The following EYA2 variants were observed in gnomAD, a reference collection of about 807,000 sequenced individuals.
EYA2 encodes protein phosphatase EYA2.
In EYA2, 31 loss-of-function variants were observed where a neutral mutation model predicts 69.2. That is an observed-to-expected ratio of 0.45 (90% CI 0.34 to 0.60). EYA2 has a LOEUF of 0.60. EYA2 is among the 20% of genes least tolerant of loss of function. The probability of loss-of-function intolerance (pLI) is 0.02; values close to 1 mark genes in which losing one functional copy is unlikely to be tolerated. For synonymous variants in EYA2, 257 were observed against 279.4 expected (o/e 0.92, Z 0.80); for missense variants, 622 against 701.2 (o/e 0.89, Z 1.28).
chr20:47,157,867 C>A (rs1473853426), intron 10 of EYA2, among the ~76,000 whole-genome samples: 3 of 152,002 alleles, frequency 2.0e-5, no homozygotes, highest in Non-Finnish European at 4.4e-5. Flanking sequence ...AAGGATAAAT[C>A]TCATCCAGCA....
At chr20:47,038,559 T>A (rs1984847240) in intron 5 of EYA2, among the ~76,000 whole-genome samples, 1 of 152,184 alleles carries the variant, frequency 6.6e-6, no homozygotes, top group Non-Finnish European at 1.5e-5. Flanking sequence ...CAGGTCCACA[T>A]AGGGCAGAGG....
At chr20:47,112,480 T>A (rs891537938) in intron 9 of EYA2, among the ~76,000 whole-genome samples, 4 of 152,228 alleles carry the variant, frequency 2.6e-5, no homozygotes, top group Non-Finnish European at 5.9e-5. Flanking sequence ...TTAACTTGAT[T>A]ATATTATGCA....
rs867561059 is a variant in EYA2, at chr20:47,146,337, G to A, written c.978+3189G>A. ...CCTTGTGGATCTTGGTTGAACCTGC[G>A]ACTCAAAGCCAGGTATTTTGTGGGA... On this transcript the variant is annotated intron_variant, in intron 10 of 15. Transcript: ENST00000327619. 1.4e-4 allele frequency among the ~76,000 whole-genome samples: 22 copies of A among 152,040 alleles called. No homozygotes were observed. The South Asian group carries it at 1.5e-3, about 10-fold the overall frequency.
rs543848021 is a variant in EYA2, at chr20:47,114,426, C to T, written c.888+17258C>T. 2.6e-5 allele frequency among the ~76,000 whole-genome samples: 4 copies of T among 152,230 alleles called. No individual in the cohort carries two copies. The East Asian group carries it at 7.7e-4, about 29-fold the overall frequency. ...GGTCAGGAGTTCGAGACCAGCCTGG[C>T]CGACATGGTGAAACCCCGTCTCTAC... On this transcript the variant is annotated intron_variant, in intron 9 of 15. Transcript: ENST00000327619.
intron 7 of EYA2, among the ~76,000 whole-genome samples, chr20:47,081,870 C>T (rs777163674): frequency 1.3e-5 from 2 of 151,682 alleles, no homozygotes; most frequent in Non-Finnish European, 2.9e-5. Flanking sequence ...GACAGAGTCT[C>T]GATCTGTCGC....
chr20:47,169,315 C>T (rs1314899933), intron 11 of EYA2, 118 bp downstream of exon 11: 2 of 957,794 alleles, frequency 2.1e-6, no homozygotes, highest in African/African-American at 3.2e-5. Context: ...GAGTGCCTGC[C>T]TCCAGCCAGA....
chr20:46,936,579 A>T (rs1448570929), intron 1 of EYA2, among the ~76,000 whole-genome samples: 1 of 152,212 alleles, frequency 6.6e-6, no homozygotes, highest in East Asian at 1.9e-4. Context: ...GTTTGGGGAT[A>T]AAAGGGCCAC....
chr20:47,118,027 C>T (rs941359788), intron 9 of EYA2, among the ~76,000 whole-genome samples: 2 of 152,210 alleles, frequency 1.3e-5, no homozygotes, highest in African/African-American at 4.8e-5. Flanking sequence ...CTTGCAGGAG[C>T]CTGTAGCTCT....
rs758313490 is a variant in EYA2, at chr20:47,181,045, G to C, written c.1435+109G>C. The C allele has an allele frequency of 1.0e-5, 15 of 1,442,862 alleles. 2 individuals are homozygous for C. The highest frequency in any genetic ancestry group is 6.7e-5 in the South Asian group (5 of 74,838). 89.4% of individuals were successfully genotyped at this position (1,442,862 alleles called of 1,614,324 possible). A position where few individuals can be genotyped will look rare whatever the true frequency, so the allele number is the denominator to read the frequency against. On this transcript the variant is annotated intron_variant, in intron 14 of 15. Transcript: ENST00000327619. ...ACATGACACCACAGAAATGGATGGAGTGTGCCTATGGCCATGACTCAGATT... is the reference window on the plus strand; with the variant it reads ...ACATGACACCACAGAAATGGATGGACTGTGCCTATGGCCATGACTCAGATT...
chr20:47,033,144 G>A (rs1210789288), intron 5 of EYA2, among the ~76,000 whole-genome samples: 6 of 152,126 alleles, frequency 3.9e-5, no homozygotes, highest in Non-Finnish European at 4.4e-5. Flanking sequence ...AGCCCTAGCC[G>A]GCTGCCTGAC....
At chr20:46,982,394 G>T (rs1225993027) in intron 1 of EYA2, among the ~76,000 whole-genome samples, 1 of 152,112 alleles carries the variant, frequency 6.6e-6, no homozygotes, top group East Asian at 1.9e-4. Context: ...TTGTGCACAT[G>T]TGCAGTTTAA....
At chr20:47,104,090 C>G (rs2032507006) in intron 9 of EYA2, among the ~76,000 whole-genome samples, 1 of 152,192 alleles carries the variant, frequency 6.6e-6, no homozygotes, top group African/African-American at 2.4e-5. Context: ...TTCTCCACAT[C>G]CTCATCAATA....
chr20:47,093,522 C>T (rs186689100), intron 8 of EYA2, among the ~76,000 whole-genome samples: 130 of 152,384 alleles, frequency 8.5e-4, no homozygotes, highest in East Asian at 2.3e-3. Context: ...GCCGCGCAGC[C>T]GGCTCTCCCT....
At chr20:46,986,362 ATATTATATATTATG>A in intron 1 of EYA2, among the ~76,000 whole-genome samples, 1 of 26,342 alleles carries the variant, frequency 3.8e-5, no homozygotes, top group Admixed American at 2.4e-4. Context: ...CACATTAGAT[ATATTATATATTATG>A]TATTATATAT....
At chr20:47,108,754 G>A (rs529669730) in intron 9 of EYA2, among the ~76,000 whole-genome samples, 9 of 151,554 alleles carry the variant, frequency 5.9e-5, no homozygotes, top group African/African-American at 1.2e-4. Flanking sequence ...TTTGAGAGAC[G>A]AGGGTCTCAG....
At chr20:47,124,550 A>T (rs1408474288) in intron 9 of EYA2, among the ~76,000 whole-genome samples, 1 of 152,124 alleles carries the variant, frequency 6.6e-6, no homozygotes, top group Non-Finnish European at 1.5e-5. Context: ...TGGGCATCAA[A>T]CCCTGTTCTG....
At chr20:46,902,118 G>T (rs888883879) in intron 1 of EYA2, among the ~76,000 whole-genome samples, 1 of 152,188 alleles carries the variant, frequency 6.6e-6, no homozygotes, top group African/African-American at 2.4e-5. Flanking sequence ...TTTTGAGGGG[G>T]AAGCACAGAG....
Position 47,137,735 on chromosome 20 carries a change from A to AT in EYA2, c.889-5315dup, listed in dbSNP as rs1041934915. Among the ~76,000 whole-genome samples the AT allele has an allele frequency of 3.3e-5, 5 of 151,748 alleles. No individual in the cohort carries two copies. The East Asian group carries it at 5.8e-4, about 18-fold the overall frequency. ...TAAATTAATACTGAGTCACCACCAA[A>AT]TTTTTTTTTCTTTTAGTTTCTTGCT... On this transcript the variant is annotated intron_variant, in intron 9 of 15. Transcript: ENST00000327619.
At chr20:47,078,360 C>CACACACACAT (rs1297675482) in intron 7 of EYA2, among the ~76,000 whole-genome samples, 3 of 151,532 alleles carry the variant, frequency 2.0e-5, no homozygotes, top group Non-Finnish European at 4.4e-5. Context: ...CACACACACA[C>CACACACACAT]ACATTCATGC....
Sources: gnomAD v4.1 joint callset for allele counts (sites outside exome capture counted in the v4.1 genomes callset) on GRCh38, gnomAD v4.1.1 for gene constraint, MANE v1.5 for transcripts, NCBI Gene and HGNC (gene_info 2026-07-23, HGNC 2026-07-21) for gene names.